Variants in ARHGEF38 observed in about 807,000 individuals in gnomAD.
The protein encoded by ARHGEF38 is Rho guanine nucleotide exchange factor (GEF) 38.
In ARHGEF38, 79 loss-of-function variants were observed where a neutral mutation model predicts 79.9. The observed-to-expected ratio is 0.99, with a 90% CI of 0.82 to 1.19. The LOEUF (loss-of-function observed/expected upper bound fraction) is 1.19, where lower values mean the gene tolerates loss of function less well. ARHGEF38 is among the 50% of genes most tolerant of loss of function. ARHGEF38 has a pLI of 0.00. For synonymous variants in ARHGEF38, 366 were observed against 328.3 expected (o/e 1.11, Z -1.24); for missense variants, 962 against 907.2 (o/e 1.06, Z -0.78).
intron 3 of ARHGEF38, among the ~76,000 whole-genome samples, chr4:105,614,199 G>A (rs974547492): frequency 3.3e-5 from 5 of 152,104 alleles, no homozygotes; most frequent in African/African-American, 1.2e-4. Context: ...TTTGCACTTC[G>A]AGACATCATA....
chr4:105,558,412 T>A lies in ARHGEF38; in HGVS notation c.196+5451T>A, dbSNP rs2110391095. Among the ~76,000 whole-genome samples, 2 of 152,290 alleles carry A rather than the reference T, an allele frequency of 1.3e-5. 1 individual carries two copies. The highest frequency in any genetic ancestry group is 4.1e-4 in the South Asian group (2 of 4,824). On this transcript the variant is annotated intron_variant, in intron 1 of 13. Coordinates refer to ENST00000420470, the MANE Select transcript of ARHGEF38 (RefSeq NM_001242729.2). ...TTGTTCGTGTCTGTTCTTTGATTAG[T>A]GAGTAGCTCCTTCCCCTTTATCTGC... is the stretch of plus-strand genomic sequence containing the variant.
At chr4:105,634,520 G>A (rs900547764) in intron 4 of ARHGEF38, among the ~76,000 whole-genome samples, 1 of 152,088 alleles carries the variant, frequency 6.6e-6, no homozygotes, top group African/African-American at 2.4e-5. Context: ...CCTTCTTGGG[G>A]TTATTTAAGG....
chr4:105,587,122 G>C (rs762560664), intron 1 of ARHGEF38, among the ~76,000 whole-genome samples: 14 of 152,106 alleles, frequency 9.2e-5, no homozygotes, highest in Non-Finnish European at 2.1e-4. Context: ...GCACTGAGAG[G>C]CAGGCTGCTT....
At chr4:105,565,365 T>C (rs1015382856) in intron 1 of ARHGEF38, among the ~76,000 whole-genome samples, 7 of 152,218 alleles carry the variant, frequency 4.6e-5, no homozygotes, top group Admixed American at 2.0e-4. Context: ...CAGATTTCCA[T>C]TGAAACTGAT....
intron 1 of ARHGEF38, among the ~76,000 whole-genome samples, chr4:105,568,995 A>G (rs1174856677): frequency 6.6e-6 from 1 of 152,214 alleles, no homozygotes; most frequent in Non-Finnish European, 1.5e-5. Context: ...TAAGATTTCA[A>G]TACAATTAAG....
At chr4:105,622,636 G>A (rs1728784061) in intron 3 of ARHGEF38, among the ~76,000 whole-genome samples, 1 of 152,172 alleles carries the variant, frequency 6.6e-6, no homozygotes, top group Non-Finnish European at 1.5e-5. Context: ...TAACTCACAA[G>A]TCCAGGACTA....
chr4:105,644,743 A>C (rs1287831142), intron 5 of ARHGEF38, among the ~76,000 whole-genome samples: 1 of 152,210 alleles, frequency 6.6e-6, no homozygotes, highest in East Asian at 1.9e-4. Context: ...AGAGGCCAAG[A>C]CTTCCTTTTA....
intron 10 of ARHGEF38, among the ~76,000 whole-genome samples, chr4:105,665,071 C>T (rs1730698809): frequency 6.6e-6 from 1 of 152,122 alleles, no homozygotes; most frequent in East Asian, 1.9e-4. Flanking sequence ...TCACAGAGCT[C>T]ACTGCAGCCT....
At chr4:105,561,896 G>C (rs146077515) in intron 1 of ARHGEF38, among the ~76,000 whole-genome samples, 2 of 152,242 alleles carry the variant, frequency 1.3e-5, no homozygotes, top group East Asian at 1.9e-4. Context: ...CAAAGTAAAA[G>C]AGTTTAGGGT....
chr4:105,618,608 G>A (rs536471015), intron 3 of ARHGEF38, among the ~76,000 whole-genome samples: 9 of 152,180 alleles, frequency 5.9e-5, no homozygotes, highest in East Asian at 5.8e-4. Flanking sequence ...GTGACAGAGC[G>A]AGACTCCATC....
At chr4:105,650,141 A>G (rs772691134) in intron 7 of ARHGEF38, among the ~76,000 whole-genome samples, 5 of 152,192 alleles carry the variant, frequency 3.3e-5, no homozygotes, top group Admixed American at 6.5e-5. Context: ...ATGGTTATTT[A>G]CCTTTGAATG....
chr4:105,674,228 A>C (rs1195348956), intron 13 of ARHGEF38, among the ~76,000 whole-genome samples: 1 of 152,180 alleles, frequency 6.6e-6, no homozygotes, highest in African/African-American at 2.4e-5. Flanking sequence ...TTATAAAAAA[A>C]GTAAGTGTGG....
intron 1 of ARHGEF38, among the ~76,000 whole-genome samples, chr4:105,558,712 T>C (rs1725369466): frequency 6.6e-6 from 1 of 152,208 alleles, no homozygotes. Context: ...GTTTGAGCTA[T>C]TCTACTACTA....
chr4:105,555,108 G>A lies in ARHGEF38; in HGVS notation c.196+2147G>A, dbSNP rs147420755. 6.6e-5 allele frequency among the ~76,000 whole-genome samples: 10 copies of A among 152,284 alleles called. No individual in the cohort carries two copies. The East Asian group carries it at 1.9e-3, about 29-fold the overall frequency. Reference sequence around the variant, plus strand: ...AGAGCAGACATGGGTTGGTTACTTTGCAGAAGACCTCAGACTTCTTACGCA... The same window carrying A: ...AGAGCAGACATGGGTTGGTTACTTTACAGAAGACCTCAGACTTCTTACGCA... On this transcript the variant is annotated intron_variant, in intron 1 of 13. Transcript: ENST00000420470.
At position 105,645,377 on chromosome 4, in the gene ARHGEF38, G is replaced by T; in HGVS notation, c.864G>T (p.Arg288Ser). The change falls in exon 6 of 14, where the codon AGG (arginine) becomes AGT (serine). Residue 288 changes from arginine (R) to serine (S), a missense_variant. Transcript: ENST00000420470. ...INVNINELKRRKDLVLKYKKN... is the reference protein window; with the variant it reads ...INVNINELKRSKDLVLKYKKN... ...TTAACATCAATGAACTTAAAAGAAG[G>T]AAAGATTTAGGTAGGAAGAGACATG... 6.6e-7 allele frequency: 1 copy of T among 1,524,586 alleles called. No individual in the cohort carries two copies. Among genetic ancestry groups the T allele is most frequent in the Non-Finnish European group, 8.8e-7 (1 of 1,142,772 alleles). The allele number at this position is 1,524,586 out of a possible 1,614,324, so 94.4% of individuals were successfully genotyped here. A position where few individuals can be genotyped will look rare whatever the true frequency, so the allele number is the denominator to read the frequency against.
Position 105,667,457 on chromosome 4 carries a change from T to C in ARHGEF38, c.1902T>C (p.Tyr634=), listed in dbSNP as rs1395472920. ...TTTCCTATCCAGATGTGAAAGGATA[T>C]GTTTATTCCTCCTTCCTAAAACCCT... is the stretch of plus-strand genomic sequence containing the variant. ...WLVDTGNVKG[Y]VYSSFLKPYN... Residue 634 remains tyrosine (Y), a synonymous_variant, in exon 13 of 14, where the codon TAT becomes TAC. Transcript: ENST00000420470. 3.3e-6 allele frequency: 5 copies of C among 1,536,200 alleles called. No homozygotes were observed. Among genetic ancestry groups the C allele is most frequent in the Non-Finnish European group, 4.4e-6 (5 of 1,146,930 alleles).
chr4:105,558,078 G>C (rs369678952), intron 1 of ARHGEF38, among the ~76,000 whole-genome samples: 5 of 152,060 alleles, frequency 3.3e-5, no homozygotes, highest in African/African-American at 1.2e-4. Flanking sequence ...AATTAAGAAA[G>C]GTTATCTTTA....
Position 105,677,760 on chromosome 4 carries a change from T to G in ARHGEF38, c.2157T>G (p.Tyr719Ter), listed in dbSNP as rs1731172965. The G allele has an allele frequency of 6.8e-7, 1 of 1,464,850 alleles. No individual in the cohort carries two copies. Among genetic ancestry groups the G allele is most frequent in the Non-Finnish European group, 9.1e-7 (1 of 1,102,802 alleles). The allele number at this position is 1,464,850 out of a possible 1,614,324, so 90.7% of individuals were successfully genotyped here. The change falls in exon 14 of 14, where the codon TAT becomes TAG. Residue 719 changes from tyrosine (Y) to a stop codon, truncating the protein, a stop_gained. Transcript: ENST00000420470. LOFTEE classifies it high-confidence loss of function. ...SFQEVDEQIF[Y>*]AVHAFQARSD... ...TTTGTTTCTTTGTCTAGATTTTCTA[T>G]GCAGTTCATGCTTTTCAAGCACGGA...
chr4:105,605,464 G>A (rs966808035), intron 2 of ARHGEF38, among the ~76,000 whole-genome samples: 1 of 152,010 alleles, frequency 6.6e-6, no homozygotes, highest in Non-Finnish European at 1.5e-5. Flanking sequence ...ACATCTCTGT[G>A]GCTAATGTAG....
Sources: allele counts gnomAD v4.1 joint callset (sites outside exome capture counted in the v4.1 genomes callset), GRCh38; gene constraint gnomAD v4.1.1; transcripts MANE v1.5; gene names NCBI Gene and HGNC (gene_info 2026-07-23, HGNC 2026-07-21).